Variants in SETBP1 observed in about 807,000 individuals in gnomAD.
SETBP1 encodes SET binding protein 1, also known as SET-binding protein.
SETBP1 carries 9 observed loss-of-function variants against 101.0 expected under a neutral mutation model. That is an observed-to-expected ratio of 0.09 (90% CI 0.05 to 0.16). The LOEUF is 0.16. Among genes scored for constraint, SETBP1 ranks in the 10% least tolerant of loss-of-function variants. The probability of loss-of-function intolerance (pLI) is 1.00; values close to 1 mark genes in which losing one functional copy is unlikely to be tolerated. For synonymous variants in SETBP1, 818 were observed against 788.5 expected (o/e 1.04, Z -0.63); for missense variants, 1,858 against 2,033.8 (o/e 0.91, Z 1.66).
chr18:44,816,161 C>G (rs1377672595), intron 2 of SETBP1, among the ~76,000 whole-genome samples: 1 of 152,112 alleles, frequency 6.6e-6, no homozygotes, highest in Non-Finnish European at 1.5e-5. Flanking sequence ...CAATGCAAGG[C>G]AGGTGGGGAA....
At chr18:44,789,834 T>C (rs1049108441) in intron 2 of SETBP1, among the ~76,000 whole-genome samples, 3 of 152,216 alleles carry the variant, frequency 2.0e-5, no homozygotes, top group Non-Finnish European at 4.4e-5. Context: ...ATGACATGCC[T>C]GGTTTATGTT....
chr18:44,958,304 A>AC, intron 4 of SETBP1, among the ~76,000 whole-genome samples: 1 of 152,212 alleles, frequency 6.6e-6, no homozygotes, highest in East Asian at 1.9e-4. Flanking sequence ...AATCTATGAG[A>AC]CTCATCCCAT....
At chr18:44,854,008 C>A (rs2072923431) in intron 2 of SETBP1, among the ~76,000 whole-genome samples, 1 of 152,144 alleles carries the variant, frequency 6.6e-6, no homozygotes, top group East Asian at 1.9e-4. Flanking sequence ...CCTACCCATA[C>A]CTTTTTTCTC....
intron 2 of SETBP1, among the ~76,000 whole-genome samples, chr18:44,805,546 G>A (rs2071712573): frequency 6.6e-6 from 1 of 152,030 alleles, no homozygotes; most frequent in Non-Finnish European, 1.5e-5. Flanking sequence ...CTTCTCCAAA[G>A]GTGTTTTTAC....
chr18:44,759,010 T>C (rs772816476), intron 2 of SETBP1, among the ~76,000 whole-genome samples: 10 of 152,208 alleles, frequency 6.6e-5, no homozygotes, highest in Non-Finnish European at 1.0e-4. Flanking sequence ...TCAAAACTAG[T>C]CTCTCTAAAT....
intron 2 of SETBP1, among the ~76,000 whole-genome samples, chr18:44,801,712 T>A (rs559692003): frequency 6.6e-6 from 1 of 152,300 alleles, no homozygotes; most frequent in Non-Finnish European, 1.5e-5. Context: ...CACTTGTTTA[T>A]TGAGCTTGCC....
chr18:44,774,764 T>G (rs1424394201), intron 2 of SETBP1, among the ~76,000 whole-genome samples: 1 of 152,194 alleles, frequency 6.6e-6, no homozygotes, highest in East Asian at 1.9e-4. Flanking sequence ...AGCCAGGATT[T>G]GAACCTGGGT....
chr18:45,019,774 G>A (rs982710535), intron 4 of SETBP1, among the ~76,000 whole-genome samples: 2 of 152,032 alleles, frequency 1.3e-5, no homozygotes, highest in Non-Finnish European at 2.9e-5. Context: ...TAAGAAACAA[G>A]CCATTTGTTG....
intron 4 of SETBP1, among the ~76,000 whole-genome samples, chr18:45,003,779 G>A (rs1466659696): frequency 6.6e-6 from 1 of 151,512 alleles, no homozygotes; most frequent in Admixed American, 6.6e-5. Context: ...CCAAATGTCT[G>A]TTGACCTTCG....
chr18:45,061,261 G>A lies in SETBP1; in HGVS notation c.4172-1818G>A, dbSNP rs138716580. 4.6e-5 allele frequency among the ~76,000 whole-genome samples: 7 copies of A among 152,222 alleles called. No homozygotes were observed. The East Asian group carries it at 1.4e-3, about 29-fold the overall frequency. On this transcript the variant is annotated intron_variant, in intron 5 of 5. Transcript: ENST00000649279. Reference sequence around the variant, plus strand: ...CTCTTCTAGGGAATACGACTACAAGGCCTGATTAGACTGATTTGTCAGTCC... The same window carrying A: ...CTCTTCTAGGGAATACGACTACAAGACCTGATTAGACTGATTTGTCAGTCC...
At chr18:44,751,337 T>C (rs1030649993) in intron 2 of SETBP1, among the ~76,000 whole-genome samples, 7 of 152,122 alleles carry the variant, frequency 4.6e-5, no homozygotes, top group Admixed American at 2.0e-4. Flanking sequence ...GCGACAAGAT[T>C]TTGAGAGAGT....
intron 4 of SETBP1, among the ~76,000 whole-genome samples, chr18:45,004,078 G>A (rs1362675793): frequency 6.6e-6 from 1 of 152,174 alleles, no homozygotes; most frequent in Non-Finnish European, 1.5e-5. Context: ...CCTGTAACAA[G>A]GAATTATCTC....
At chr18:44,889,755 A>G (rs1449167338) in intron 3 of SETBP1, among the ~76,000 whole-genome samples, 2 of 152,176 alleles carry the variant, frequency 1.3e-5, no homozygotes, top group African/African-American at 4.8e-5. Context: ...GAAAGAACAG[A>G]TAAATTTGAA....
chr18:44,730,451 G>A (rs2069814324), intron 2 of SETBP1, among the ~76,000 whole-genome samples: 1 of 152,146 alleles, frequency 6.6e-6, no homozygotes, highest in African/African-American at 2.4e-5. Context: ...TAGATGGGGT[G>A]GTATGCAGGA....
At chr18:44,923,085 C>A (rs993410158) in intron 3 of SETBP1, among the ~76,000 whole-genome samples, 6 of 152,160 alleles carry the variant, frequency 3.9e-5, no homozygotes, top group African/African-American at 1.4e-4. Context: ...AGGATGGTGT[C>A]ATGATATTAC....
At chr18:44,865,924 T>A (rs2069118381) in intron 2 of SETBP1, among the ~76,000 whole-genome samples, 1 of 152,158 alleles carries the variant, frequency 6.6e-6, no homozygotes, top group South Asian at 2.1e-4. Context: ...ATCTCCCAAA[T>A]AAAGGAATCC....
At chr18:44,781,676 AT>A (rs899352782) in intron 2 of SETBP1, among the ~76,000 whole-genome samples, 3 of 152,126 alleles carry the variant, frequency 2.0e-5, no homozygotes, top group African/African-American at 4.8e-5. Context: ...TCTTGAAAGA[AT>A]TTTTCCATTA....
intron 5 of SETBP1, among the ~76,000 whole-genome samples, chr18:45,042,739 T>C (rs928849926): frequency 2.0e-5 from 3 of 152,204 alleles, no homozygotes; most frequent in Admixed American, 6.5e-5. Context: ...AGAGGCATAA[T>C]GATTATGACA....
At chr18:44,747,937 C>G (rs1320411345) in intron 2 of SETBP1, among the ~76,000 whole-genome samples, 1 of 152,218 alleles carries the variant, frequency 6.6e-6, no homozygotes, top group Non-Finnish European at 1.5e-5. Context: ...TATGTAGAGA[C>G]AGCCTCCCTG....
Sources: gnomAD v4.1 joint callset for allele counts (sites outside exome capture counted in the v4.1 genomes callset) on GRCh38, gnomAD v4.1.1 for gene constraint, MANE v1.5 for transcripts, NCBI Gene and HGNC (gene_info 2026-07-23, HGNC 2026-07-21) for gene names.